The following PCYT1B variants were observed in gnomAD, a reference collection of about 807,000 sequenced individuals.
The protein encoded by PCYT1B is phosphate cytidylyltransferase 1B, choline, also known as choline-phosphate cytidylyltransferase B.
PCYT1B carries 10 observed loss-of-function variants against 26.4 expected under a neutral mutation model. That is an observed-to-expected ratio of 0.38 (90% confidence interval 0.23 to 0.64). PCYT1B has a LOEUF of 0.64. PCYT1B is among the 30% of genes least tolerant of loss of function. The pLI, the probability that PCYT1B is intolerant of heterozygous loss-of-function variation, is 0.56. For missense variants in PCYT1B, 161 were observed against 292.7 expected (o/e 0.55, Z 3.28); for synonymous variants, 131 against 108.4 (o/e 1.21, Z -1.29).
chrX:24,584,797 T>C (rs1163234647), intron 5 of PCYT1B, among the ~76,000 whole-genome samples: 1 of 112,190 alleles, frequency 8.9e-6, no homozygotes, highest in African/African-American at 3.2e-5. Context: ...GGGAGGCAGA[T>C]GAAGCTGAGA....
intron 5 of PCYT1B, among the ~76,000 whole-genome samples, chrX:24,580,479 T>C (rs1429851825): frequency 8.9e-6 from 1 of 112,227 alleles, no homozygotes; most frequent in Non-Finnish European, 1.9e-5. Flanking sequence ...AGATGATTTA[T>C]CTTCCTAAGA....
At chrX:24,572,850 A>T (rs754755341) in intron 7 of PCYT1B, among the ~76,000 whole-genome samples, 1 of 108,008 alleles carries the variant, frequency 9.3e-6, no homozygotes, top group South Asian at 4.0e-4. Context: ...TCCCAAGAAC[A>T]ATTCCAGCTA....
At position 24,618,966 on chromosome X, in the gene PCYT1B, C is replaced by A; in HGVS notation, c.217+19G>T. Reference sequence around the variant, plus strand: ...ATGTCAAGACAGGGCCCATTTAAGACAAAGAAGTACAGCCTCACCTGGTGT... The same window carrying A: ...ATGTCAAGACAGGGCCCATTTAAGAAAAAGAAGTACAGCCTCACCTGGTGT... On this transcript the variant is annotated intron_variant, in intron 2 of 7. Coordinates refer to ENST00000379144, the MANE Select transcript of PCYT1B (RefSeq NM_004845.5). 2.9e-6 allele frequency: 3 copies of A among 1,049,890 alleles called. No individual in the cohort carries two copies. The highest frequency in any genetic ancestry group is 3.8e-6 in the Non-Finnish European group (3 of 786,054). The allele number at this position is 1,049,890 out of a possible 1,213,427, so 86.5% of individuals were successfully genotyped here.
At chrX:24,627,204 CA>C (rs1444244050) in intron 1 of PCYT1B, among the ~76,000 whole-genome samples, 1 of 111,463 alleles carries the variant, frequency 9.0e-6, no homozygotes, top group Non-Finnish European at 1.9e-5. Flanking sequence ...AGGAAGCGAG[CA>C]AAAAAGAAAA....
At chrX:24,599,660 G>C (rs1324137881) in intron 3 of PCYT1B, among the ~76,000 whole-genome samples, 2 of 111,484 alleles carry the variant, frequency 1.8e-5, no homozygotes, top group African/African-American at 6.5e-5. Context: ...AGAGAAGTAT[G>C]ATACAGTGAT....
intron 1 of PCYT1B, among the ~76,000 whole-genome samples, chrX:24,624,266 G>A (rs745759530): frequency 4.5e-5 from 5 of 111,666 alleles, no homozygotes; most frequent in Non-Finnish European, 7.5e-5. Context: ...ACCGCGCCCG[G>A]CCAAGCTAAG....
chrX:24,630,531 G>A (rs746039754), intron 1 of PCYT1B, among the ~76,000 whole-genome samples: 8 of 111,991 alleles, frequency 7.1e-5, no homozygotes, highest in South Asian at 3.8e-4. Flanking sequence ...TCCTGACCTC[G>A]TGATCCGCCC....
At position 24,571,571 on chromosome X, in the gene PCYT1B, T is replaced by C. The variant is rs1220914574; in HGVS notation, c.897+3559A>G. On this transcript the variant is annotated intron_variant, in intron 7 of 7. Transcript: ENST00000379144. ...ATAGCATGTAAGGGCTTCAATTTTA[T>C]ATTGGCATCCTTAATGTCAAATATG... Among the ~76,000 whole-genome samples, 5 of 110,289 alleles carry C rather than the reference T, an allele frequency of 4.5e-5. No homozygotes were observed. The East Asian group carries it at 1.4e-3, about 32-fold the overall frequency.
intron 1 of PCYT1B, 41 bp from the exon 2 acceptor site, chrX:24,619,125 T>C: frequency 3.0e-6 from 3 of 992,115 alleles, no homozygotes; most frequent in Non-Finnish European, 4.3e-6. Flanking sequence ...TCTGACAAAC[T>C]TTCCTTTGGC....
chrX:24,584,789 G>C (rs1924315762), intron 5 of PCYT1B, among the ~76,000 whole-genome samples: 1 of 112,057 alleles, frequency 8.9e-6, no homozygotes, highest in Non-Finnish European at 1.9e-5. Context: ...ACTTCAGGGG[G>C]AGGCAGATGA....
chrX:24,604,729 T>TAA (rs1269545090), intron 3 of PCYT1B, among the ~76,000 whole-genome samples: 1 of 111,544 alleles, frequency 9.0e-6, no homozygotes, highest in Non-Finnish European at 1.9e-5. Context: ...CTTTCACTCT[T>TAA]ACTCTGTCAC....
intron 3 of PCYT1B, among the ~76,000 whole-genome samples, chrX:24,604,260 G>A (rs779028346): frequency 9.2e-6 from 1 of 108,663 alleles, no homozygotes; most frequent in African/African-American, 3.3e-5. Context: ...CTAATTTTTT[G>A]TTGTATTTTT....
At position 24,647,188 on chromosome X, in the gene PCYT1B, C is replaced by A; in HGVS notation, c.-83G>T. On this transcript the variant is annotated 5_prime_UTR_variant, in exon 1 of 8. Coordinates refer to ENST00000379144, the MANE Select transcript of PCYT1B (RefSeq NM_004845.5). The stretch of plus-strand genomic sequence containing the variant: ...AATGTTTTCTTTGTCACGTATTTTT[C>A]TCCCCTCTACCCTCCACCCATCCCC... 8.7e-7 allele frequency: 1 copy of A among 1,144,824 alleles called. No individual in the cohort carries two copies. The highest frequency in any genetic ancestry group is 1.2e-6 in the Non-Finnish European group (1 of 861,301). The allele number at this position is 1,144,824 out of a possible 1,213,427, so 94.3% of individuals were successfully genotyped here. A position where few individuals can be genotyped will look rare whatever the true frequency, so the allele number is the denominator to read the frequency against.
rs189809576 is a variant in PCYT1B, at chrX:24,656,420, C to T, written c.63+16150G>A. ...AACTGCGCAGACCCAACATGACAAA[C>T]CTATTGCATACATGAAAATACAGCT... On this transcript the variant is annotated intron_variant, in intron 1 of 7. Coordinates refer to the PCYT1B transcript ENST00000379145. 2.5e-3 allele frequency among the ~76,000 whole-genome samples: 277 copies of T among 109,440 alleles called. 3 individuals are homozygous for T. The highest frequency in any genetic ancestry group is 0.023 in the Admixed American group (229 of 10,087).
At chrX:24,623,845 G>A (rs1368293885) in intron 1 of PCYT1B, among the ~76,000 whole-genome samples, 2 of 111,231 alleles carry the variant, frequency 1.8e-5, no homozygotes, top group Non-Finnish European at 3.8e-5. Context: ...CTTATGCAAT[G>A]TACATCGCTG....
chrX:24,604,731 C>T (rs905521571), intron 3 of PCYT1B, among the ~76,000 whole-genome samples: 4 of 111,497 alleles, frequency 3.6e-5, no homozygotes, highest in Non-Finnish European at 7.5e-5. Context: ...TTCACTCTTA[C>T]TCTGTCACTG....
chrX:24,621,569 T>C (rs758062357), intron 1 of PCYT1B, among the ~76,000 whole-genome samples: 1 of 111,174 alleles, frequency 9.0e-6, no homozygotes, highest in South Asian at 3.8e-4. Flanking sequence ...ATCCGTCTCC[T>C]GGGTTCAAGT....
intron 3 of PCYT1B, among the ~76,000 whole-genome samples, chrX:24,606,753 G>C (rs931852755): frequency 2.7e-5 from 3 of 111,821 alleles, no homozygotes; most frequent in African/African-American, 9.8e-5. Context: ...TGTAATCCCA[G>C]CTATGCAGGA....
intron 3 of PCYT1B, among the ~76,000 whole-genome samples, chrX:24,591,159 C>G (rs939309460): frequency 6.3e-5 from 7 of 111,608 alleles, no homozygotes; most frequent in Admixed American, 2.9e-4. Flanking sequence ...CTTCCACTAT[C>G]AGCCTTAGAA....
Sources: gnomAD v4.1 joint callset for allele counts (sites outside exome capture counted in the v4.1 genomes callset) on GRCh38, gnomAD v4.1.1 for gene constraint, MANE v1.5 for transcripts, NCBI Gene and HGNC (gene_info 2026-07-23, HGNC 2026-07-21) for gene names.